TENM3: variants seen among roughly 807,000 people sequenced by gnomAD.
TENM3 encodes teneurin transmembrane protein 3.
A neutral mutation model predicts 255.1 loss-of-function variants in TENM3; 63 were observed. The observed-to-expected ratio is 0.25, with a 90% CI of 0.20 to 0.30. The LOEUF is 0.30. TENM3 is among the 10% of genes least tolerant of loss of function. TENM3 has a pLI of 1.00. For synonymous variants in TENM3, 1,306 were observed against 1,322.3 expected, an observed-to-expected ratio of 0.99 and a Z score of 0.27; for missense variants, 2,929 against 3,461.1, an observed-to-expected ratio of 0.85 and a Z score of 3.86.
At chr4:181,900,503 T>C in the TENM3 span, among the ~76,000 whole-genome samples, 1 of 152,200 alleles carries the variant, frequency 6.6e-6, no homozygotes, top group African/African-American at 2.4e-5. Context: ...TTGTTTCCCA[T>C]TTAAGATATA....
At chr4:181,867,429 C>T in the TENM3 span, among the ~76,000 whole-genome samples, 9 of 152,166 alleles carry the variant, frequency 5.9e-5, no homozygotes, top group African/African-American at 1.4e-4. Flanking sequence ...TCACCCCTCC[C>T]GTTGGAAGTC....
intron 1 of TENM3, among the ~76,000 whole-genome samples, chr4:182,147,301 A>G (rs891731655): frequency 1.3e-5 from 2 of 152,170 alleles, no homozygotes; most frequent in African/African-American, 4.8e-5. Context: ...ATAGCTGTTA[A>G]TGTATGTTTG....
chr4:181,672,851 A>C, the TENM3 span, among the ~76,000 whole-genome samples: 4 of 152,154 alleles, frequency 2.6e-5, no homozygotes, highest in Non-Finnish European at 2.9e-5. Flanking sequence ...AAGCTCAAAG[A>C]GTTAAGTACT....
the TENM3 span, among the ~76,000 whole-genome samples, chr4:182,007,689 T>A: frequency 6.6e-6 from 1 of 152,244 alleles, no homozygotes; most frequent in Non-Finnish European, 1.5e-5. Context: ...TTTGCCAGTC[T>A]GTGTCTTTTA....
At chr4:182,061,640 A>G in the TENM3 span, among the ~76,000 whole-genome samples, 1 of 152,076 alleles carries the variant, frequency 6.6e-6, no homozygotes, top group Non-Finnish European at 1.5e-5. Context: ...CTTACTTACA[A>G]TTAAGCGTCA....
chr4:181,678,161 T>C, the TENM3 span, among the ~76,000 whole-genome samples: 1 of 152,294 alleles, frequency 6.6e-6, no homozygotes, highest in Admixed American at 6.5e-5. Context: ...CTACAGAGCC[T>C]ATAATCTCAT....
At chr4:182,652,650 C>A (rs1450508905) in intron 5 of TENM3, among the ~76,000 whole-genome samples, 1 of 152,214 alleles carries the variant, frequency 6.6e-6, no homozygotes, top group Non-Finnish European at 1.5e-5. Flanking sequence ...TGTACTGTAG[C>A]AGGTCAGTGC....
At chr4:182,720,932 T>G (rs187422426) in intron 13 of TENM3, among the ~76,000 whole-genome samples, 1 of 152,126 alleles carries the variant, frequency 6.6e-6, no homozygotes, top group East Asian at 1.9e-4. Context: ...CAGGCCCGTC[T>G]AATTTTTGTA....
chr4:182,262,951 G>T (rs1377169744), intron 1 of TENM3, among the ~76,000 whole-genome samples: 1 of 152,026 alleles, frequency 6.6e-6, no homozygotes, highest in African/African-American at 2.4e-5. Flanking sequence ...CTGACCTCGT[G>T]ATCCGCCTGC....
At chr4:182,702,927 G>A (rs968314250) in intron 12 of TENM3, among the ~76,000 whole-genome samples, 2 of 151,760 alleles carry the variant, frequency 1.3e-5, no homozygotes, top group Non-Finnish European at 2.9e-5. Context: ...TAGTAGAGAC[G>A]GGGTTTCACC....
At chr4:181,780,170 T>A in the TENM3 span, among the ~76,000 whole-genome samples, 1 of 152,342 alleles carries the variant, frequency 6.6e-6, no homozygotes, top group East Asian at 1.9e-4. Context: ...GATGGCTGGG[T>A]CAAATGGTAT....
chr4:182,241,171 C>T (rs528924983), upstream of TENM3, among the ~76,000 whole-genome samples: 1 of 152,282 alleles, frequency 6.6e-6, no homozygotes, highest in East Asian at 1.9e-4. Flanking sequence ...TATAGCTTCT[C>T]TCTGGTTTAC....
chr4:182,229,604 A>T (rs6835157), intron 1 of TENM3, among the ~76,000 whole-genome samples: 1 of 151,642 alleles, frequency 6.6e-6, no homozygotes, highest in Admixed American at 6.6e-5. Flanking sequence ...GTGCGTGTGT[A>T]TGTGTGTATA....
chr4:181,965,839 G>A, the TENM3 span, among the ~76,000 whole-genome samples: 1 of 152,134 alleles, frequency 6.6e-6, no homozygotes, highest in African/African-American at 2.4e-5. Context: ...TCTATAGAGT[G>A]GCTCTGTGTG....
At chr4:182,353,213 T>C (rs1765296956) in intron 3 of TENM3, among the ~76,000 whole-genome samples, 1 of 152,212 alleles carries the variant, frequency 6.6e-6, no homozygotes, top group Non-Finnish European at 1.5e-5. Flanking sequence ...CTGAGCCTAC[T>C]TTGGTTGTTG....
chr4:181,539,800 T>C, the TENM3 span, among the ~76,000 whole-genome samples: 1 of 152,222 alleles, frequency 6.6e-6, no homozygotes, highest in Non-Finnish European at 1.5e-5. Flanking sequence ...CTATAGAATA[T>C]ATGATGAAAT....
At chr4:182,492,277 T>G (rs1580731412) in intron 3 of TENM3, among the ~76,000 whole-genome samples, 1 of 152,186 alleles carries the variant, frequency 6.6e-6, no homozygotes, top group African/African-American at 2.4e-5. Context: ...CTGAAATGAT[T>G]TAAAAATCTG....
chr4:182,267,975 G>A (rs1234979645), intron 1 of TENM3, among the ~76,000 whole-genome samples: 1 of 152,114 alleles, frequency 6.6e-6, no homozygotes, highest in Admixed American at 6.6e-5. Flanking sequence ...AGTGATCTCT[G>A]ACTGTTACTC....
the TENM3 span, among the ~76,000 whole-genome samples, chr4:181,687,005 A>G: frequency 2.0e-5 from 3 of 152,144 alleles, no homozygotes; most frequent in Non-Finnish European, 4.4e-5. Flanking sequence ...CTGCTTTACC[A>G]TCTAACTGCA....
Sources: allele counts gnomAD v4.1 joint callset (sites outside exome capture counted in the v4.1 genomes callset), GRCh38; gene constraint gnomAD v4.1.1; transcripts MANE v1.5; gene names NCBI Gene and HGNC (gene_info 2026-07-23, HGNC 2026-07-21).